Variants in TG observed in about 807,000 individuals in gnomAD.
TG encodes the protein thyroid hormones.
TG carries 270 observed loss-of-function variants against 324.7 expected under a neutral mutation model. That is an observed-to-expected ratio of 0.83 (90% CI 0.75 to 0.92). TG has a LOEUF of 0.92. Among genes scored for constraint, TG ranks in the 40% least tolerant of loss-of-function variants. The probability of loss-of-function intolerance (pLI) is 0.00; values close to 1 mark genes in which losing one functional copy is unlikely to be tolerated. For synonymous variants in TG, 1,401 were observed against 1,327.0 expected, an observed-to-expected ratio of 1.06 and a Z score of -1.21; for missense variants, 3,591 against 3,456.4, an observed-to-expected ratio of 1.04 and a Z score of -0.98.
chr8:132,927,323 A>G (rs1258489967), intron 22 of TG, among the ~76,000 whole-genome samples: 2 of 151,024 alleles, frequency 1.3e-5, no homozygotes, highest in African/African-American at 4.9e-5. Context: ...TCTCTCTGTT[A>G]CTATCCTGGC....
chr8:132,874,555 C>T (rs1563892063), intron 5 of TG, among the ~76,000 whole-genome samples: 1 of 152,216 alleles, frequency 6.6e-6, no homozygotes, highest in African/African-American at 2.4e-5. Context: ...TCCAAAACAA[C>T]CAGTTTCTTT....
At chr8:132,983,252 A>G in intron 34 of TG, 98 bp from the exon 35 acceptor site, 3 of 1,382,330 alleles carry the variant, frequency 2.2e-6, no homozygotes, top group Non-Finnish European at 3.1e-6. Context: ...TCCAAGTCCA[A>G]TTTTACAATC....
rs182511179 is a variant in TG at position 133,067,591 on chromosome 8, C to T, written c.7240-27453C>T. ...AGGAGTTCAAGACCAACCTGGCCAA[C>T]GTTGTGAAACCCTATCTCTACTAAA... On this transcript the variant is annotated intron_variant, in intron 41 of 47. Transcript: ENST00000220616. Among the ~76,000 whole-genome samples, 65 of 152,134 alleles carry T rather than the reference C, an allele frequency of 4.3e-4. No homozygotes were observed. In the East Asian group the frequency reaches 5.8e-3, roughly 14 times the overall value.
At chr8:132,967,239 CATCCATCCATCT>C (rs1418500458) in intron 30 of TG, among the ~76,000 whole-genome samples, 114 of 79,376 alleles carry the variant, frequency 1.4e-3, no homozygotes, top group African/African-American at 0.012. Context: ...TCCATCCATC[CATCCATCCATCT>C]ATCCATCCAT....
intron 41 of TG, among the ~76,000 whole-genome samples, chr8:133,094,269 C>A (rs1448274728): frequency 3.4e-5 from 4 of 118,634 alleles, no homozygotes; most frequent in Non-Finnish European, 5.2e-5. Context: ...TTGATGGAGT[C>A]TTGCTCTGTT....
At chr8:132,944,088 T>TA (rs1465123517) in intron 26 of TG, among the ~76,000 whole-genome samples, 3 of 152,184 alleles carry the variant, frequency 2.0e-5, no homozygotes, top group African/African-American at 4.8e-5. Context: ...GGATAGTTTT[T>TA]ACCCTAAACC....
chr8:132,909,105 A>G (rs1819129135), intron 18 of TG, among the ~76,000 whole-genome samples: 1 of 152,186 alleles, frequency 6.6e-6, no homozygotes, highest in Admixed American at 6.5e-5. Flanking sequence ...GTGATGGGAC[A>G]TCACTGAAGT....
intron 43 of TG, among the ~76,000 whole-genome samples, chr8:133,097,971 G>A (rs924540306): frequency 1.3e-5 from 2 of 152,066 alleles, no homozygotes; most frequent in African/African-American, 2.4e-5. Flanking sequence ...TGTGTTGCAA[G>A]GGGGGGTGTC....
intron 37 of TG, among the ~76,000 whole-genome samples, chr8:133,016,341 AAC>A (rs1835025319): frequency 1.3e-5 from 2 of 152,160 alleles, no homozygotes; most frequent in African/African-American, 4.8e-5. Flanking sequence ...TAGGATGTCT[AAC>A]AACAGCCCTT....
chr8:133,016,228 C>A (rs1336301830), intron 37 of TG, among the ~76,000 whole-genome samples: 2 of 152,196 alleles, frequency 1.3e-5, no homozygotes, highest in African/African-American at 4.8e-5. Flanking sequence ...AAGTCAAGGA[C>A]AGACATGATA....
intron 41 of TG, among the ~76,000 whole-genome samples, chr8:133,054,830 G>A (rs781282764): frequency 2.7e-4 from 41 of 152,166 alleles, no homozygotes; most frequent in Non-Finnish European, 5.3e-4. Flanking sequence ...CAGGCCTTAC[G>A]GGACTTAGTC....
At chr8:133,092,012 A>G (rs971144665) in intron 41 of TG, among the ~76,000 whole-genome samples, 12 of 152,078 alleles carry the variant, frequency 7.9e-5, no homozygotes, top group African/African-American at 2.9e-4. Context: ...TCCTTAACCC[A>G]CTTAGACAAA....
chr8:133,063,207 G>C (rs565284336), intron 41 of TG, among the ~76,000 whole-genome samples: 2 of 151,904 alleles, frequency 1.3e-5, no homozygotes, highest in South Asian at 4.2e-4. Context: ...TCAACACCTA[G>C]TGATTGTGCC....
chr8:133,096,347 C>A lies in TG; in HGVS notation c.7546C>A (p.Leu2516Ile). 1 of 1,614,186 alleles carries A rather than the reference C, an allele frequency of 6.2e-7. No individual in the cohort carries two copies. The highest frequency in any genetic ancestry group is 1.1e-5 in the South Asian group (1 of 91,078). Residue 2516 changes from leucine to isoleucine, a missense_variant, in exon 43 of 48, where the codon CTC becomes ATC. Coordinates refer to ENST00000220616, the MANE Select transcript of TG (RefSeq NM_003235.5). ...CATTGGGAGTTCTCAGGACGACGGG[C>A]TCATCAACAGAGCAAAGGCTGTGAA... ...LLIGSSQDDG[L>I]INRAKAVKQF...
In TG at chr8:132,968,071, T is replaced by C. The variant is rs944615127; in HGVS notation, c.5863+101T>C. 3 of 1,390,036 alleles carry C rather than the reference T, an allele frequency of 2.2e-6. No homozygotes were observed. The African/African-American group carries it at 4.3e-5, about 20-fold the overall frequency. 86.1% of individuals were successfully genotyped at this position (1,390,036 alleles called of 1,614,324 possible). A position where few individuals can be genotyped will look rare whatever the true frequency, so the allele number is the denominator to read the frequency against. ...TTAGTTTCTTATTTAAAAAACATTTTCTTTATACTTTTATTGGTTTCAAGA... is the reference window on the plus strand; with the variant it reads ...TTAGTTTCTTATTTAAAAAACATTTCCTTTATACTTTTATTGGTTTCAAGA... On this transcript the variant is annotated intron_variant, in intron 31 of 47. Transcript: ENST00000220616.
At chr8:132,931,395 T>C (rs1563969114) in intron 23 of TG, among the ~76,000 whole-genome samples, 2 of 152,100 alleles carry the variant, frequency 1.3e-5, no homozygotes, top group Non-Finnish European at 2.9e-5. Context: ...ATCAAGGTGG[T>C]TTTACGGTAG....
In TG at chr8:133,134,864, C is replaced by A. The variant is rs1852231126; in HGVS notation, c.*70C>A. On this transcript the variant is annotated 3_prime_UTR_variant, in exon 48 of 48. Transcript: ENST00000220616. ...ATGGTCATCTTTTTCTCTAAAATAG[C>A]CACTTACCTTCAATAAAGTATCTAC... 1 of 1,195,084 alleles carries A rather than the reference C, an allele frequency of 8.4e-7. No homozygotes were observed. Among genetic ancestry groups the A allele is most frequent in the Non-Finnish European group, 1.2e-6 (1 of 800,518 alleles). 74.0% of individuals were successfully genotyped at this position (1,195,084 alleles called of 1,614,324 possible).
At chr8:133,019,477 C>T in intron 38 of TG, 125 bp from the exon 39 acceptor site, 1 of 764,078 alleles carries the variant, frequency 1.3e-6, no homozygotes, top group Non-Finnish European at 2.3e-6. Context: ...CTGAAGCTGC[C>T]TAATTTCTGC....
intron 22 of TG, among the ~76,000 whole-genome samples, chr8:132,927,018 T>C (rs1821961300): frequency 6.6e-6 from 1 of 152,216 alleles, no homozygotes; most frequent in South Asian, 2.1e-4. Context: ...TTCCAGTTCA[T>C]CTTCCCTTTA....
Sources: allele counts gnomAD v4.1 joint callset (sites outside exome capture counted in the v4.1 genomes callset), GRCh38; gene constraint gnomAD v4.1.1; transcripts MANE v1.5; gene names NCBI Gene and HGNC (gene_info 2026-07-23, HGNC 2026-07-21).